ALKBH5: variants seen among roughly 807,000 people sequenced by gnomAD.
The protein encoded by ALKBH5 is RNA demethylase ALKBH5.
Under a neutral mutation model 32.1 loss-of-function variants are expected in ALKBH5, and 2 were observed. The observed-to-expected ratio is 0.06, with a 90% CI of 0.03 to 0.20. ALKBH5 has a LOEUF of 0.20. ALKBH5 is among the 10% of genes least tolerant of loss of function. The pLI is 1.00. For missense variants in ALKBH5, 352 were observed against 559.5 expected (o/e 0.63, Z 3.74); for synonymous variants, 300 against 231.7 (o/e 1.29, Z -2.68).
intron 2 of ALKBH5, among the ~76,000 whole-genome samples, chr17:18,200,443 T>TA (rs781187746): frequency 6.6e-6 from 1 of 152,232 alleles, no homozygotes; most frequent in Middle Eastern, 3.4e-3. Context: ...GTTAACCAGA[T>TA]AAAGTGGCAC....
Position 18,207,055 on chromosome 17 carries a change from T to A in ALKBH5, c.1007+85T>A. Reference sequence around the variant, plus strand: ...GTGGAGAAGCCTGGGGTAGGCTGTTTAGGAGCCTTGGCTTGCTCACCCTTT... The same window carrying A: ...GTGGAGAAGCCTGGGGTAGGCTGTTAAGGAGCCTTGGCTTGCTCACCCTTT... On this transcript the variant is annotated intron_variant, in intron 3 of 3. Transcript: ENST00000399138. 3.3e-6 allele frequency: 5 copies of A among 1,520,856 alleles called. No homozygotes were observed. In the South Asian group the frequency reaches 6.2e-5, roughly 19 times the overall value. The allele number at this position is 1,520,856 out of a possible 1,614,324, so 94.2% of individuals were successfully genotyped here.
chr17:18,190,550 GAA>G (rs11316080), intron 1 of ALKBH5, among the ~76,000 whole-genome samples: 1,334 of 121,828 alleles, frequency 0.011, 13 homozygotes, highest in African/African-American at 0.027. Context: ...CTCTGTTTCC[GAA>G]AAAAAAAAAA....
At chr17:18,196,808 G>C (rs781568354) in intron 2 of ALKBH5, among the ~76,000 whole-genome samples, 1 of 152,194 alleles carries the variant, frequency 6.6e-6, no homozygotes, top group Non-Finnish European at 1.5e-5. Context: ...ATCTCCTTGA[G>C]GGGGAGCATG....
Position 18,184,981 on chromosome 17 carries a change from G to A in ALKBH5, c.738G>A (p.Leu246=), listed in dbSNP as rs765189459. The change falls in exon 1 of 4, where the codon CTG becomes CTA. Residue 246 remains leucine (L), a synonymous_variant. Transcript: ENST00000399138. The part of the protein sequence containing the change: ...PIRVSEPVLS[L]PVRRGSVTVL... ...GGGTGTCGGAACCAGTGCTTTCCCT[G>A]CCGGTGCGCAGGGGAAGCGTGACTG... 2.5e-6 allele frequency: 4 copies of A among 1,612,564 alleles called. No homozygotes were observed. The Admixed American group carries it at 5.0e-5, about 20-fold the overall frequency.
In ALKBH5 at chr17:18,208,363, C is replaced by T. The variant is rs771528729; in HGVS notation, c.1152C>T (p.Ser384=). The T allele has an allele frequency of 1.1e-5, 17 of 1,613,338 alleles. No individual in the cohort carries two copies. The highest frequency in any genetic ancestry group is 1.4e-5 in the Non-Finnish European group (16 of 1,179,658). Residue 384 remains serine, a synonymous_variant, in exon 4 of 4, where the codon AGC becomes AGT. Coordinates refer to ENST00000399138, the MANE Select transcript of ALKBH5 (RefSeq NM_017758.4). The part of the protein sequence containing the change: ...SSEDCSEAAG[S]PARKVKMRRH ...AGGACTGCTCTGAGGCAGCAGGCAGCCCTGCCCGAAAGGTGAAGATGCGGC... is the reference window on the plus strand; with the variant it reads ...AGGACTGCTCTGAGGCAGCAGGCAGTCCTGCCCGAAAGGTGAAGATGCGGC...
intron 2 of ALKBH5, among the ~76,000 whole-genome samples, chr17:18,206,208 G>A (rs914891024): frequency 2.0e-5 from 3 of 152,148 alleles, no homozygotes; most frequent in African/African-American, 7.2e-5. Flanking sequence ...TGGGGACTGT[G>A]CCTTCAAAAG....
intron 2 of ALKBH5, among the ~76,000 whole-genome samples, chr17:18,201,806 T>G (rs2047240464): frequency 1.4e-5 from 1 of 72,106 alleles, no homozygotes; most frequent in Admixed American, 1.2e-4. Context: ...GATAGATAGA[T>G]AGATAGATAG....
chr17:18,186,393 G>A (rs1020710043), intron 1 of ALKBH5, among the ~76,000 whole-genome samples: 7 of 152,140 alleles, frequency 4.6e-5, no homozygotes, highest in Non-Finnish European at 7.4e-5. Flanking sequence ...AAGGCAGGTT[G>A]GGGTCTGACC....
rs1162036064 is a variant in ALKBH5, at chr17:18,206,796, A to G, written c.852-19A>G. On this transcript the variant is annotated intron_variant, in intron 2 of 3. Transcript: ENST00000399138. ...TCACCGGAGGCCCTTTGGTGACCCCATGCATGTTTCCTTTGCAGGACAAGA... is the reference window on the plus strand; with the variant it reads ...TCACCGGAGGCCCTTTGGTGACCCCGTGCATGTTTCCTTTGCAGGACAAGA... The G allele has an allele frequency of 1.9e-6, 3 of 1,613,096 alleles. No homozygotes were observed. Among genetic ancestry groups the G allele is most frequent in the Non-Finnish European group, 2.5e-6 (3 of 1,179,318 alleles).
At chr17:18,191,627 T>G (rs1444119174) in intron 1 of ALKBH5, among the ~76,000 whole-genome samples, 1 of 152,154 alleles carries the variant, frequency 6.6e-6, no homozygotes. Context: ...CACTTGTCAA[T>G]GGCAGGGAAG....
At chr17:18,192,484 T>C (rs2047181912) in intron 1 of ALKBH5, among the ~76,000 whole-genome samples, 1 of 152,250 alleles carries the variant, frequency 6.6e-6, no homozygotes, top group African/African-American at 2.4e-5. Flanking sequence ...AGCAAAAGAA[T>C]AGCTAAATTA....
intron 2 of ALKBH5, among the ~76,000 whole-genome samples, chr17:18,202,464 G>A (rs1429206584): frequency 6.6e-6 from 1 of 152,160 alleles, no homozygotes; most frequent in Non-Finnish European, 1.5e-5. Context: ...ATTCTCAAAG[G>A]TGCTGGAGCT....
chr17:18,194,908 G>T (rs2047196808), intron 1 of ALKBH5, 47 bp from the exon 2 acceptor site: 1 of 1,584,576 alleles, frequency 6.3e-7, no homozygotes, highest in Admixed American at 1.7e-5. Context: ...AGGAACTTTG[G>T]TTGTCTGTCT....
Position 18,184,469 on chromosome 17 carries a change from C to G in ALKBH5, c.226C>G (p.Leu76Val). ...PERSDYEEQQ[L>V]QKEEEARKVK... ...GCGCAGCGACTATGAGGAGCAGCAG[C>G]TGCAGAAGGAGGAGGAGGCGCGCAA... The change falls in exon 1 of 4, where the codon CTG becomes GTG. Residue 76 changes from leucine (L) to valine (V), a missense_variant. Around this residue, in one of 4 missense-constraint regions of ALKBH5, gnomAD observed 144 missense variants for 125.8 expected, o/e 1.14. Coordinates refer to ENST00000399138, the MANE Select transcript of ALKBH5 (RefSeq NM_017758.4). 6.2e-7 allele frequency: 1 copy of G among 1,612,514 alleles called. No individual in the cohort carries two copies. The highest frequency in any genetic ancestry group is 8.5e-7 in the Non-Finnish European group (1 of 1,179,620).
At chr17:18,201,792 A>AT (rs2047239252) in intron 2 of ALKBH5, among the ~76,000 whole-genome samples, 1 of 75,674 alleles carries the variant, frequency 1.3e-5, no homozygotes. Context: ...GATAGGATAG[A>AT]TAAGATAGAT....
At position 18,184,363 on chromosome 17, in the gene ALKBH5, C is replaced by A. The variant is rs1295474188; in HGVS notation, c.120C>A (p.Ala40=). 1 of 1,516,100 alleles carries A rather than the reference C, an allele frequency of 6.6e-7. No homozygotes were observed. Among genetic ancestry groups the A allele is most frequent in the Non-Finnish European group, 8.8e-7 (1 of 1,134,978 alleles). 93.9% of individuals were successfully genotyped at this position (1,516,100 alleles called of 1,614,324 possible). Residue 40 remains alanine (A), a synonymous_variant, in exon 1 of 4, where the codon GCC becomes GCA. Transcript: ENST00000399138. ...CCGCTGCCGCAGCCGCCGTAGCCGCCGCAGCCGCAGCCGCCGCTGCCGCCG... is the reference window on the plus strand; with the variant it reads ...CCGCTGCCGCAGCCGCCGTAGCCGCAGCAGCCGCAGCCGCCGCTGCCGCCG... ...AAAAAAAAVA[A]AAAAAAAAEP... is the part of the protein sequence containing the mutation.
Position 18,201,785 on chromosome 17 carries a change from A to AGATAGATG in ALKBH5, c.852-5029_852-5028insATAGATGG, listed in dbSNP as rs1486085379. On this transcript the variant is annotated intron_variant, in intron 2 of 3. Coordinates refer to ENST00000399138, the MANE Select transcript of ALKBH5 (RefSeq NM_017758.4). The stretch of plus-strand genomic sequence containing the variant: ...TAGATAGATAGATAGATAGATAGAT[A>AGATAGATG]GGATAGATAAGATAGATAGATAGAT... Among the ~76,000 whole-genome samples the AGATAGATG allele has an allele frequency of 3.5e-3, 381 of 107,760 alleles. 1 individual carries two copies. The highest frequency in any genetic ancestry group is 0.012 in the African/African-American group (364 of 29,340). The allele number at this position is 107,760 out of a possible 152,430, so 70.7% of individuals were successfully genotyped here.
Position 18,184,752 on chromosome 17 carries a change from A to G in ALKBH5, c.509A>G (p.Gln170Arg), listed in dbSNP as rs1437464000. The part of the protein sequence containing the change: ...DVDEIPEWVH[Q>R]LVIQKLVEHR... ...GACGAGATCCCCGAGTGGGTGCACCAGCTGGTGATCCAAAAGCTGGTGGAG... is the reference window on the plus strand; with the variant it reads ...GACGAGATCCCCGAGTGGGTGCACCGGCTGGTGATCCAAAAGCTGGTGGAG... Residue 170 changes from glutamine (Q) to arginine (R), a missense_variant, in exon 1 of 4, where the codon CAG (glutamine) becomes CGG (arginine). By Grantham distance (43) the Gln-to-Arg change is conservative (BLOSUM62 1). Transcript: ENST00000399138. The G allele has an allele frequency of 1.7e-5, 27 of 1,613,588 alleles. No individual in the cohort carries two copies. The highest frequency in any genetic ancestry group is 2.2e-5 in the Non-Finnish European group (26 of 1,179,956).
At chr17:18,196,793 G>A (rs2047206828) in intron 2 of ALKBH5, among the ~76,000 whole-genome samples, 1 of 152,182 alleles carries the variant, frequency 6.6e-6, no homozygotes, top group Non-Finnish European at 1.5e-5. Context: ...GTGGGAGTTA[G>A]CACCATCTCC....
Sources: allele counts gnomAD v4.1 joint callset (sites outside exome capture counted in the v4.1 genomes callset), GRCh38; gene constraint gnomAD v4.1.1; regional missense constraint gnomAD v4.1.1; transcripts MANE v1.5; gene names NCBI Gene and HGNC (gene_info 2026-07-23, HGNC 2026-07-21).